ARFGAP3: variants seen among roughly 807,000 people sequenced by gnomAD.
ARFGAP3 encodes the protein ADP-ribosylation factor GTPase-activating protein 3.
In ARFGAP3, 72 loss-of-function variants were observed where a neutral mutation model predicts 75.0. That is an observed-to-expected ratio of 0.96 (90% CI 0.79 to 1.17). The LOEUF (loss-of-function observed/expected upper bound fraction) is 1.17. ARFGAP3 is among the 50% of genes most tolerant of loss of function. ARFGAP3 has a pLI of 0.00. For missense variants in ARFGAP3, 620 were observed against 626.6 expected (o/e 0.99, Z 0.11); for synonymous variants, 221 against 217.9 (o/e 1.01, Z -0.13).
intron 1 of ARFGAP3, among the ~76,000 whole-genome samples, chr22:42,848,254 G>C (rs1046721553): frequency 6.6e-6 from 1 of 152,016 alleles, no homozygotes; most frequent in Non-Finnish European, 1.5e-5. Flanking sequence ...TGTCGCCCAG[G>C]CTGGAGTGCA....
At chr22:42,799,237 A>G (rs1924747784) in intron 14 of ARFGAP3, 77 bp from the exon 15 acceptor site, 2 of 1,578,714 alleles carry the variant, frequency 1.3e-6, no homozygotes. Flanking sequence ...AGAGTGCTCA[A>G]CGGCTCCAGA....
intron 3 of ARFGAP3, 83 bp from the exon 4 acceptor site, chr22:42,835,576 C>T: frequency 6.7e-7 from 1 of 1,497,720 alleles, no homozygotes; most frequent in South Asian, 1.2e-5. Context: ...AATCCCAGCA[C>T]TCTGGGAGGC....
chr22:42,819,356 T>C (rs1925714051), intron 9 of ARFGAP3, among the ~76,000 whole-genome samples: 1 of 152,118 alleles, frequency 6.6e-6, no homozygotes, highest in Admixed American at 6.6e-5. Context: ...AGAAGATGCA[T>C]GGGGATGAAA....
In ARFGAP3 at chr22:42,810,892, C is replaced by A. The variant is rs1028288129; in HGVS notation, c.1117G>T (p.Asp373Tyr). The A allele has an allele frequency of 8.1e-6, 13 of 1,614,082 alleles. No homozygotes were observed. The highest frequency in any genetic ancestry group is 9.3e-6 in the Non-Finnish European group (11 of 1,180,046). Residue 373 changes from aspartate (D) to tyrosine (Y), a missense_variant, in exon 12 of 16, where the codon GAC (aspartate) becomes TAC (tyrosine). By Grantham distance (160) the Asp-to-Tyr change is radical (BLOSUM62 -3). Transcript: ENST00000263245. ...LRSSSFSSWDDSSDSYWKKET... is the reference protein window; with the variant it reads ...LRSSSFSSWDYSSDSYWKKET... Reference sequence around the variant, plus strand: ...TTTTTCCAATAGGAATCTGAACTGTCATCCCAGCTAGAGAAAGAACTGCTC... The same window carrying A: ...TTTTTCCAATAGGAATCTGAACTGTAATCCCAGCTAGAGAAAGAACTGCTC...
intron 6 of ARFGAP3, among the ~76,000 whole-genome samples, chr22:42,828,840 A>G (rs1238316982): frequency 6.6e-6 from 1 of 151,780 alleles, no homozygotes; most frequent in African/African-American, 2.4e-5. Flanking sequence ...ATGCACCACC[A>G]TGCCTGGCTA....
At chr22:42,822,780 T>C (rs911777569) in intron 8 of ARFGAP3, among the ~76,000 whole-genome samples, 31 of 152,172 alleles carry the variant, frequency 2.0e-4, no homozygotes, top group Non-Finnish European at 8.8e-5. Context: ...TTTATTTGTA[T>C]TGTTTTTACT....
rs754842560 is a variant in ARFGAP3 at position 42,817,113 on chromosome 22, C to A, written c.1064+29G>T. On this transcript the variant is annotated intron_variant, in intron 11 of 15. Coordinates refer to ENST00000263245, the MANE Select transcript of ARFGAP3 (RefSeq NM_014570.5). ...TACTAGTCACTGCTTTTCAAAATGA[C>A]ACTTCAACGATGATTTGTAATACAG... is the stretch of plus-strand genomic sequence containing the variant. The A allele has an allele frequency of 2.6e-5, 38 of 1,465,124 alleles. No individual in the cohort carries two copies. In the Admixed American group the frequency reaches 4.9e-4, roughly 19 times the overall value. The allele number at this position is 1,465,124 out of a possible 1,614,324, so 90.8% of individuals were successfully genotyped here.
chr22:42,808,048 T>A (rs1925204993), intron 13 of ARFGAP3, among the ~76,000 whole-genome samples: 1 of 151,742 alleles, frequency 6.6e-6, no homozygotes, highest in Non-Finnish European at 1.5e-5. Context: ...CCTGGCCAAG[T>A]TCATTAACAT....
chr22:42,815,810 A>G (rs1250493247), intron 11 of ARFGAP3, among the ~76,000 whole-genome samples: 1 of 152,150 alleles, frequency 6.6e-6, no homozygotes, highest in Non-Finnish European at 1.5e-5. Context: ...TAACTACCTA[A>G]CAATAGTAAT....
At chr22:42,815,401 C>T (rs925683257) in intron 11 of ARFGAP3, among the ~76,000 whole-genome samples, 17 of 150,604 alleles carry the variant, frequency 1.1e-4, no homozygotes, top group Non-Finnish European at 2.4e-4. Flanking sequence ...TGGAACACCA[C>T]TAAACTACTA....
chr22:42,839,283 T>C (rs1309628595), intron 3 of ARFGAP3, among the ~76,000 whole-genome samples: 2 of 152,050 alleles, frequency 1.3e-5, no homozygotes, highest in Non-Finnish European at 2.9e-5. Context: ...ACACAATATT[T>C]GCTATATTTA....
rs1354544554 is a variant in ARFGAP3, at chr22:42,796,714, A to G, written c.*874T>C. On this transcript the variant is annotated 3_prime_UTR_variant, in exon 16 of 16. Transcript: ENST00000263245. The stretch of plus-strand genomic sequence containing the variant: ...ATTATTTTTCTTTATTTGTTTATAC[A>G]CATTCGGTAATTTCTGAAAAGCAAG... 2.6e-5 allele frequency: 4 copies of G among 152,248 alleles called. No individual in the cohort carries two copies. Among genetic ancestry groups the G allele is most frequent in the Non-Finnish European group, 5.9e-5 (4 of 68,044 alleles). 9.4% of individuals were successfully genotyped at this position (152,248 alleles called of 1,614,324 possible). A position where few individuals can be genotyped will look rare whatever the true frequency, so the allele number is the denominator to read the frequency against.
chr22:42,807,584 G>A (rs957170483), intron 13 of ARFGAP3, among the ~76,000 whole-genome samples: 2 of 152,168 alleles, frequency 1.3e-5, no homozygotes, highest in East Asian at 3.8e-4. Flanking sequence ...GGAACAGCAA[G>A]GGGCAATTCT....
intron 14 of ARFGAP3, among the ~76,000 whole-genome samples, chr22:42,806,621 A>T (rs1602093204): frequency 6.6e-6 from 1 of 152,244 alleles, no homozygotes; most frequent in Admixed American, 6.5e-5. Flanking sequence ...CACATTGCTC[A>T]TTTAAGCCGC....
At chr22:42,819,506 A>C (rs923105568) in intron 9 of ARFGAP3, among the ~76,000 whole-genome samples, 2 of 152,204 alleles carry the variant, frequency 1.3e-5, no homozygotes, top group African/African-American at 4.8e-5. Flanking sequence ...AGAAGTCAGA[A>C]CACCGCGTTT....
intron 5 of ARFGAP3, chr22:42,831,838 A>G: frequency 1.4e-6 from 1 of 725,746 alleles, no homozygotes; most frequent in Non-Finnish European, 1.7e-6. Flanking sequence ...GCTAGAGTGC[A>G]GAAGCACAAT....
intron 2 of ARFGAP3, among the ~76,000 whole-genome samples, chr22:42,843,590 C>A (rs1926879077): frequency 6.6e-6 from 1 of 152,156 alleles, no homozygotes; most frequent in Non-Finnish European, 1.5e-5. Context: ...AATGTTACCT[C>A]TTTTAAACTT....
intron 14 of ARFGAP3, among the ~76,000 whole-genome samples, chr22:42,805,775 T>G (rs1227361313): frequency 1.3e-5 from 2 of 152,136 alleles, no homozygotes; most frequent in Admixed American, 6.5e-5. Context: ...ACCCTCACAC[T>G]CTCACTGGCA....
chr22:42,842,011 C>CT (rs55825441), intron 2 of ARFGAP3, among the ~76,000 whole-genome samples: 1,150 of 91,228 alleles, frequency 0.013, 18 homozygotes, highest in South Asian at 0.026. Context: ...CCATGCCGGG[C>CT]TTTTTTTTTT....
Sources: gnomAD v4.1 joint callset for allele counts (sites outside exome capture counted in the v4.1 genomes callset) on GRCh38, gnomAD v4.1.1 for gene constraint, MANE v1.5 for transcripts, NCBI Gene and HGNC (gene_info 2026-07-23, HGNC 2026-07-21) for gene names.